The following DIAPH1 variants were observed in gnomAD, a reference collection of about 807,000 sequenced individuals.
The protein encoded by DIAPH1 is protein diaphanous homolog 1.
Under a neutral mutation model 140.7 loss-of-function variants are expected in DIAPH1, and 46 were observed. That is an observed-to-expected ratio of 0.33 (90% confidence interval 0.26 to 0.42). The LOEUF is 0.42. Among genes scored for constraint, DIAPH1 ranks in the 10% least tolerant of loss-of-function variants. The pLI is 1.00. For synonymous variants in DIAPH1, 565 were observed against 551.6 expected, an observed-to-expected ratio of 1.02 and a Z score of -0.34; for missense variants, 1,310 against 1,558.7, an observed-to-expected ratio of 0.84 and a Z score of 2.69.
chr5:141,588,473 G>GAAAAAAAA (rs368869644), intron 1 of DIAPH1, among the ~76,000 whole-genome samples: 2 of 86,636 alleles, frequency 2.3e-5, no homozygotes, highest in Non-Finnish European at 2.5e-5. Context: ...TCTTAAAAAG[G>GAAAAAAAA]AAAAAAAAAA....
chr5:141,611,813 T>C (rs183359550), intron 1 of DIAPH1, among the ~76,000 whole-genome samples: 42 of 152,332 alleles, frequency 2.8e-4, no homozygotes, highest in Non-Finnish European at 1.2e-4. Flanking sequence ...ACGCCTGTAA[T>C]CCCAGCACTT....
At chr5:141,588,140 G>T in intron 2 of DIAPH1, 84 bp downstream of exon 2, 1 of 1,154,398 alleles carries the variant, frequency 8.7e-7, no homozygotes, top group Non-Finnish European at 1.3e-6. Context: ...ATAAGTTACA[G>T]AAAGTCAAAG....
At chr5:141,604,757 A>G (rs2099900677) in intron 1 of DIAPH1, among the ~76,000 whole-genome samples, 1 of 152,176 alleles carries the variant, frequency 6.6e-6, no homozygotes, top group Non-Finnish European at 1.5e-5. Flanking sequence ...ACCCCTACTG[A>G]CAACCGCTTA....
chr5:141,545,874 G>A (rs972920966), intron 18 of DIAPH1, among the ~76,000 whole-genome samples: 6 of 152,140 alleles, frequency 3.9e-5, no homozygotes, highest in African/African-American at 1.4e-4. Context: ...AAAACATGTT[G>A]GCCGTAGTTT....
Position 141,516,819 on chromosome 5 carries a change from G to C in DIAPH1, c.*32C>G, listed in dbSNP as rs372638311. On this transcript the variant is annotated 3_prime_UTR_variant, in exon 28 of 28. Transcript: ENST00000389054. ...GCAGGGCAGGACAGTCTGCGGCTCC[G>C]CTGAGGAGCTGCCGCGGTCACAGGA... 1.2e-5 allele frequency: 19 copies of C among 1,612,928 alleles called. No individual in the cohort carries two copies. The highest frequency in any genetic ancestry group is 1.4e-5 in the Non-Finnish European group (16 of 1,179,760).
At chr5:141,578,767 C>T in intron 9 of DIAPH1, 142 bp from the exon 10 acceptor site, 2 of 713,798 alleles carry the variant, frequency 2.8e-6, no homozygotes, top group Non-Finnish European at 2.5e-6. Context: ...TCTACTATAG[C>T]AATGAGACCT....
At chr5:141,518,858 G>C in intron 27 of DIAPH1, 1 of 1,323,556 alleles carries the variant, frequency 7.6e-7, no homozygotes. Context: ...TCTCCCTGCA[G>C]AGCCATGACC....
intron 1 of DIAPH1, among the ~76,000 whole-genome samples, chr5:141,594,849 T>C (rs1218725430): frequency 1.3e-5 from 2 of 150,556 alleles, no homozygotes; most frequent in African/African-American, 2.5e-5. Context: ...GAGACCAGCC[T>C]GGCCAACGTT....
chr5:141,538,345 C>A (rs1262621532), intron 18 of DIAPH1, among the ~76,000 whole-genome samples: 1 of 150,152 alleles, frequency 6.7e-6, no homozygotes, highest in Non-Finnish European at 1.5e-5. Context: ...CAGGCGTGAG[C>A]CACTTCGCTC....
At chr5:141,575,265 C>T (rs1195822588) in intron 14 of DIAPH1, 119 bp from the exon 15 acceptor site, 2 of 976,750 alleles carry the variant, frequency 2.0e-6, no homozygotes, top group East Asian at 4.9e-5. Flanking sequence ...AATCCCCCCA[C>T]TGCCTCCTGT....
intron 8 of DIAPH1, 36 bp from the exon 9 acceptor site, chr5:141,579,232 G>A: frequency 6.6e-7 from 1 of 1,520,818 alleles, no homozygotes; most frequent in Non-Finnish European, 9.1e-7. Context: ...GAACTTTCCA[G>A]GTACTGTGAC....
At chr5:141,584,083 GCA>G in intron 4 of DIAPH1, 39 bp downstream of exon 4, 4 of 1,320,802 alleles carry the variant, frequency 3.0e-6, no homozygotes, top group Non-Finnish European at 4.4e-6. Context: ...CAAGACAAGG[GCA>G]CAGTCTCCCA....
At chr5:141,568,290 CAAAA>C (rs77400407) in intron 18 of DIAPH1, among the ~76,000 whole-genome samples, 1 of 84,760 alleles carries the variant, frequency 1.2e-5, no homozygotes, top group Non-Finnish European at 2.5e-5. Context: ...GAAAATGAAA[CAAAA>C]AAAAAAAAAA....
chr5:141,576,924 A>C, intron 12 of DIAPH1, 53 bp from the exon 13 acceptor site: 2 of 1,148,600 alleles, frequency 1.7e-6, no homozygotes, highest in Non-Finnish European at 1.3e-6. Context: ...TATAATTTTC[A>C]GAAGTATTCA....
intron 1 of DIAPH1, among the ~76,000 whole-genome samples, chr5:141,615,923 A>T (rs975680989): frequency 2.6e-5 from 4 of 152,160 alleles, no homozygotes; most frequent in African/African-American, 9.7e-5. Context: ...ATATTTTGGA[A>T]ATCAGTCTAT....
chr5:141,529,047 G>A (rs1004182532), intron 21 of DIAPH1, 106 bp from the exon 22 acceptor site: 38 of 1,583,318 alleles, frequency 2.4e-5, no homozygotes, highest in African/African-American at 1.7e-4. Flanking sequence ...AGAGCAGGGA[G>A]AAGAGAGAGA....
rs201755196 is a variant in DIAPH1 at position 141,574,918 on chromosome 5, G to A, written c.1641+49C>T. Reference sequence around the variant, plus strand: ...ATGACTGACTCCTGTTCCAAGCCATGTGCATCCTGAGGTTACAGGTCATTC... The same window carrying A: ...ATGACTGACTCCTGTTCCAAGCCATATGCATCCTGAGGTTACAGGTCATTC... On this transcript the variant is annotated intron_variant, in intron 15 of 27. Transcript: ENST00000389054. 4.4e-6 allele frequency: 7 copies of A among 1,605,478 alleles called. No individual in the cohort carries two copies. The South Asian group carries it at 6.6e-5, about 15-fold the overall frequency.
chr5:141,519,168 G>A (rs1375964248), intron 27 of DIAPH1, among the ~76,000 whole-genome samples: 1 of 152,150 alleles, frequency 6.6e-6, no homozygotes, highest in Non-Finnish European at 1.5e-5. Flanking sequence ...AGGAGCCTAC[G>A]TGAGTGTGAC....
chr5:141,554,170 G>A (rs530423637), intron 18 of DIAPH1, among the ~76,000 whole-genome samples: 11 of 151,868 alleles, frequency 7.2e-5, no homozygotes, highest in African/African-American at 2.7e-4. Flanking sequence ...CCAGCTACTC[G>A]GGAGGCTGAG....
Sources: gnomAD v4.1 joint callset for allele counts (sites outside exome capture counted in the v4.1 genomes callset) on GRCh38, gnomAD v4.1.1 for gene constraint, MANE v1.5 for transcripts, NCBI Gene and HGNC (gene_info 2026-07-23, HGNC 2026-07-21) for gene names.